Variants in DPP6 observed in about 807,000 individuals in gnomAD.
The protein encoded by DPP6 is A-type potassium channel modulatory protein DPP6.
DPP6 carries 69 observed loss-of-function variants against 122.6 expected under a neutral mutation model. The observed-to-expected ratio is 0.56, with a 90% CI of 0.46 to 0.69. The LOEUF (loss-of-function observed/expected upper bound fraction) is 0.69, where lower values mean the gene tolerates loss of function less well. Among genes scored for constraint, DPP6 ranks in the 30% least tolerant of loss-of-function variants. The probability of loss-of-function intolerance (pLI) is 0.00; values close to 1 mark genes in which losing one functional copy is unlikely to be tolerated. For synonymous variants in DPP6, 418 were observed against 433.1 expected (o/e 0.97, Z 0.43); for missense variants, 928 against 1,116.9 (o/e 0.83, Z 2.41).
chr7:154,820,357 A>G (rs888473276), intron 16 of DPP6, among the ~76,000 whole-genome samples: 1 of 152,204 alleles, frequency 6.6e-6, no homozygotes, highest in Non-Finnish European at 1.5e-5. Context: ...ACAGAGCGGT[A>G]AAGAGTGGGC....
intron 1 of DPP6, among the ~76,000 whole-genome samples, chr7:154,017,727 T>TAAAAAAAAAAAAAAAAAAA (rs61261080): frequency 2.7e-5 from 3 of 109,448 alleles, no homozygotes; most frequent in Non-Finnish European, 5.7e-5. Context: ...AATAAAAAAA[T>TAAAAAAAAAAAAAAAAAAA]AAAAAAAAAA....
At chr7:154,018,068 A>C (rs1798514929) in intron 1 of DPP6, among the ~76,000 whole-genome samples, 1 of 152,160 alleles carries the variant, frequency 6.6e-6, no homozygotes, top group African/African-American at 2.4e-5. Context: ...CCATGGAACC[A>C]GCTGGGCACT....
chr7:153,895,942 G>A (rs902362480), intron 1 of DPP6, among the ~76,000 whole-genome samples: 3 of 152,188 alleles, frequency 2.0e-5, no homozygotes, highest in Non-Finnish European at 4.4e-5. Flanking sequence ...TTCCAGTGTG[G>A]TGTTACTCGT....
intron 1 of DPP6, among the ~76,000 whole-genome samples, chr7:154,317,229 G>T (rs963579244): frequency 6.6e-6 from 1 of 152,160 alleles, no homozygotes; most frequent in African/African-American, 2.4e-5. Flanking sequence ...AGGTGTGGTG[G>T]CTCACGCCTG....
intron 1 of DPP6, among the ~76,000 whole-genome samples, chr7:154,253,932 C>T (rs529949778): frequency 2.6e-5 from 4 of 152,064 alleles, no homozygotes; most frequent in East Asian, 3.9e-4. Flanking sequence ...AGAGGGAGAG[C>T]GAGAGAGAGC....
intron 1 of DPP6, among the ~76,000 whole-genome samples, chr7:154,440,853 G>A (rs1819315369): frequency 6.6e-6 from 1 of 152,154 alleles, no homozygotes; most frequent in Admixed American, 6.5e-5. Context: ...TGGCAAGGCT[G>A]GACCTCAGCT....
chr7:154,828,324 T>C (rs1310750575), intron 16 of DPP6, among the ~76,000 whole-genome samples: 1 of 150,556 alleles, frequency 6.6e-6, no homozygotes, highest in Non-Finnish European at 1.5e-5. Flanking sequence ...AAATCTTTTT[T>C]TTTTAATTAG....
intron 4 of DPP6, among the ~76,000 whole-genome samples, chr7:154,565,564 C>T (rs920130600): frequency 6.6e-6 from 1 of 151,920 alleles, no homozygotes; most frequent in Non-Finnish European, 1.5e-5. Context: ...TCGCTCTTGT[C>T]GCCCAGGCTG....
chr7:154,518,598 C>G (rs1563793935), intron 3 of DPP6, among the ~76,000 whole-genome samples: 1 of 152,110 alleles, frequency 6.6e-6, no homozygotes, highest in Non-Finnish European at 1.5e-5. Context: ...AATGGGAGGA[C>G]TGTAGCCATA....
rs945037101 is a variant in DPP6, at chr7:154,486,290, C to A, written c.457+11253C>A. 6.6e-6 allele frequency among the ~76,000 whole-genome samples: 1 copy of A among 152,060 alleles called. No individual in the cohort carries two copies. The highest frequency in any genetic ancestry group is 1.9e-4 in the East Asian group (1 of 5,164). The stretch of plus-strand genomic sequence containing the variant: ...CTGGGACTACAGGTGTGTGCCACCA[C>A]GCCCAGCTAATTTTTGTATTTTTAG... On this transcript the variant is annotated intron_variant, in intron 3 of 25. Transcript: ENST00000377770. This position sits in a 1 kb window ranked among gnomAD's most constrained non-coding sequence, Gnocchi z 4.5.
intron 1 of DPP6, among the ~76,000 whole-genome samples, chr7:154,054,918 T>TAA (rs535979225): frequency 4.6e-5 from 7 of 151,820 alleles, no homozygotes; most frequent in Admixed American, 2.0e-4. Flanking sequence ...CATCTTTTTT[T>TAA]AAAAAAATCT....
At chr7:154,421,330 T>C (rs201537960) in intron 1 of DPP6, among the ~76,000 whole-genome samples, 1 of 129,510 alleles carries the variant, frequency 7.7e-6, no homozygotes, top group African/African-American at 2.8e-5. Flanking sequence ...TTTTTTTTTT[T>C]CCTTTTTTTG....
At chr7:154,085,952 T>C (rs1251954193) in intron 1 of DPP6, among the ~76,000 whole-genome samples, 1 of 152,024 alleles carries the variant, frequency 6.6e-6, no homozygotes, top group East Asian at 1.9e-4. Flanking sequence ...CGTCTTGAAC[T>C]CCTGACCTCG....
At chr7:154,888,087 C>CTTTTTT in intron 23 of DPP6, among the ~76,000 whole-genome samples, 2 of 118,942 alleles carry the variant, frequency 1.7e-5, no homozygotes, top group Non-Finnish European at 3.4e-5. Context: ...GGAGAGTGAG[C>CTTTTTT]TTTTTTTTTT....
chr7:154,327,826 T>C (rs1411216814), intron 1 of DPP6, among the ~76,000 whole-genome samples: 1 of 152,182 alleles, frequency 6.6e-6, no homozygotes, highest in Admixed American at 6.5e-5. Context: ...GTTTCCAGAA[T>C]AGTAAAAACA....
At chr7:154,328,077 G>A (rs1010063540) in intron 1 of DPP6, among the ~76,000 whole-genome samples, 3 of 152,184 alleles carry the variant, frequency 2.0e-5, no homozygotes, top group African/African-American at 7.2e-5. Context: ...ACGTCTGTGA[G>A]CTCAAGCAGG....
At position 154,605,742 on chromosome 7, in the gene DPP6, T is replaced by C. The variant is rs1258305441; in HGVS notation, c.628-32079T>C. Among the ~76,000 whole-genome samples, 2 of 119,566 alleles carry C rather than the reference T, an allele frequency of 1.7e-5. 1 individual carries two copies. The highest frequency in any genetic ancestry group is 3.8e-5 in the Non-Finnish European group (2 of 53,220). The allele number at this position is 119,566 out of a possible 152,430, so 78.4% of individuals were successfully genotyped here. A position where few individuals can be genotyped will look rare whatever the true frequency, so the allele number is the denominator to read the frequency against. On this transcript the variant is annotated intron_variant, in intron 5 of 25. Coordinates refer to ENST00000377770, the MANE Select transcript of DPP6 (RefSeq NM_130797.4). ...ATTGATTGATTCCTTCTTTCTGCTATCTTTGCATTTAATCTATTTTTAAAT... is the reference window on the plus strand; with the variant it reads ...ATTGATTGATTCCTTCTTTCTGCTACCTTTGCATTTAATCTATTTTTAAAT...
intron 1 of DPP6, among the ~76,000 whole-genome samples, chr7:153,960,847 G>A (rs1239949243): frequency 1.3e-5 from 2 of 150,992 alleles, no homozygotes; most frequent in African/African-American, 4.9e-5. Flanking sequence ...GAGGACATGA[G>A]TACCTTTTCC....
chr7:154,067,786 C>T (rs1425938128), intron 1 of DPP6, among the ~76,000 whole-genome samples: 3 of 152,014 alleles, frequency 2.0e-5, no homozygotes, highest in Admixed American at 1.3e-4. Context: ...GCTCTGCCAC[C>T]CAGGCTGCAG....
Sources: gnomAD v4.1 joint callset for allele counts (sites outside exome capture counted in the v4.1 genomes callset) on GRCh38, gnomAD v4.1.1 for gene constraint, Gnocchi (gnomAD v3.1) non-coding constraint, MANE v1.5 for transcripts, NCBI Gene and HGNC (gene_info 2026-07-23, HGNC 2026-07-21) for gene names.